Variants in CEP350 observed in about 807,000 individuals in gnomAD.
The protein encoded by CEP350 is centrosomal protein 350.
A neutral mutation model predicts 331.8 loss-of-function variants in CEP350; 126 were observed. The observed-to-expected ratio is 0.38, with a 90% CI of 0.33 to 0.44. The LOEUF is 0.44. Ranked by LOEUF, CEP350 falls within the 20% of genes least tolerant of loss-of-function variation. CEP350 has a pLI of 1.00. For synonymous variants in CEP350, 1,200 were observed against 1,259.5 expected, an observed-to-expected ratio of 0.95 and a Z score of 1.00; for missense variants, 3,406 against 3,634.6, an observed-to-expected ratio of 0.94 and a Z score of 1.62.
chr1:180,044,276 A>T, intron 21 of CEP350, 103 bp downstream of exon 21: 1 of 1,205,976 alleles, frequency 8.3e-7, no homozygotes, highest in Non-Finnish European at 1.1e-6. Flanking sequence ...TTTAAATAGA[A>T]CAGTGTGTGC....
intron 3 of CEP350, among the ~76,000 whole-genome samples, chr1:179,990,269 G>A (rs1652959691): frequency 6.6e-6 from 1 of 152,006 alleles, no homozygotes; most frequent in Admixed American, 6.6e-5. Flanking sequence ...GAAACTCTTT[G>A]ATATTCTTCA....
chr1:180,036,455 G>A (rs1221755711), intron 16 of CEP350, among the ~76,000 whole-genome samples: 2 of 152,072 alleles, frequency 1.3e-5, no homozygotes, highest in Non-Finnish European at 2.9e-5. Flanking sequence ...CTTCATTATT[G>A]TCTTATTTTA....
chr1:179,997,307 C>A, intron 6 of CEP350, 132 bp downstream of exon 6: 1 of 1,000,346 alleles, frequency 1.0e-6, no homozygotes, highest in Non-Finnish European at 1.5e-6. Context: ...TTAGGGAGGC[C>A]GAGGTGGGCG....
intron 5 of CEP350, among the ~76,000 whole-genome samples, chr1:179,995,824 A>G (rs1439205724): frequency 6.6e-6 from 1 of 152,208 alleles, no homozygotes; most frequent in Non-Finnish European, 1.5e-5. Context: ...TGGTTAACAG[A>G]TTTAACATTA....
intron 37 of CEP350, among the ~76,000 whole-genome samples, chr1:180,099,475 A>G (rs1287187526): frequency 6.6e-6 from 1 of 152,206 alleles, no homozygotes; most frequent in East Asian, 1.9e-4. Context: ...CCTCATCATC[A>G]TCACTATTAT....
intron 1 of CEP350, among the ~76,000 whole-genome samples, chr1:179,960,463 C>T (rs1168742832): frequency 6.6e-6 from 1 of 152,108 alleles, no homozygotes; most frequent in Non-Finnish European, 1.5e-5. Flanking sequence ...CACCTGGACA[C>T]TATGCATTAT....
At chr1:180,068,017 G>GTTCCATAGA (rs1658649331) in intron 27 of CEP350, among the ~76,000 whole-genome samples, 1 of 152,202 alleles carries the variant, frequency 6.6e-6, no homozygotes, top group South Asian at 2.1e-4. Context: ...GAACTTAGTT[G>GTTCCATAGA]TTCCATAGAT....
At chr1:180,090,525 G>A (rs867580904) in intron 32 of CEP350, among the ~76,000 whole-genome samples, 189 bp from the exon 33 acceptor site, 14 of 109,296 alleles carry the variant, frequency 1.3e-4, no homozygotes, top group Admixed American at 9.9e-4. Flanking sequence ...CAGCCTGGGC[G>A]ACAGAGCGAG....
chr1:180,052,227 C>T (rs747960260), intron 22 of CEP350: 16 of 453,812 alleles, frequency 3.5e-5, no homozygotes, highest in African/African-American at 1.2e-4. Flanking sequence ...TTTTAAGAGA[C>T]GGGGTCTTGC....
intron 4 of CEP350, among the ~76,000 whole-genome samples, chr1:179,991,534 T>C (rs1340512654): frequency 6.6e-6 from 1 of 151,608 alleles, no homozygotes; most frequent in Admixed American, 6.6e-5. Flanking sequence ...GTGATCCGCC[T>C]GCCTTGGCCT....
chr1:180,051,881 T>C (rs1377152413), intron 22 of CEP350, among the ~76,000 whole-genome samples: 2 of 152,206 alleles, frequency 1.3e-5, no homozygotes, highest in African/African-American at 4.8e-5. Context: ...TAACAGTTCT[T>C]TACATATATA....
Position 180,012,085 on chromosome 1 carries a change from T to C in CEP350, c.1393+10T>C. The C allele has an allele frequency of 6.5e-7, 1 of 1,535,844 alleles. No homozygotes were observed. The highest frequency in any genetic ancestry group is 8.8e-7 in the Non-Finnish European group (1 of 1,142,616). ...AGAACTGCTAAATCTGGTAAGTAGC[T>C]ATAATTAAAATAGTTGAGAAAACAA... is the stretch of plus-strand genomic sequence containing the variant. On this transcript the variant is annotated intron_variant, in intron 9 of 37. Transcript: ENST00000367607.
chr1:180,064,376 C>T (rs929647510), intron 26 of CEP350, among the ~76,000 whole-genome samples: 2 of 151,962 alleles, frequency 1.3e-5, no homozygotes, highest in African/African-American at 4.8e-5. Context: ...CTTGCTCTGT[C>T]GCATCCAATG....
intron 5 of CEP350, 117 bp downstream of exon 5, chr1:179,992,338 C>T: frequency 2.7e-6 from 2 of 751,974 alleles, no homozygotes; most frequent in Non-Finnish European, 3.8e-6. Flanking sequence ...TAGTATAATA[C>T]TCTAATATTA....
At position 179,967,854 on chromosome 1, in the gene CEP350, A is replaced by G. The variant is rs117909770; in HGVS notation, c.-14+12712A>G. 4.6e-3 allele frequency among the ~76,000 whole-genome samples: 694 copies of G among 152,288 alleles called. 29 individuals are homozygous for G. In the East Asian group the frequency reaches 0.049, roughly 11 times the overall value. On this transcript the variant is annotated intron_variant, in intron 1 of 37. Transcript: ENST00000367607. ...TTATTTTTTTACGTGTTACCGTGTAAGATATTTTCTGCTTAGGAATGTCTA... is the reference window on the plus strand; with the variant it reads ...TTATTTTTTTACGTGTTACCGTGTAGGATATTTTCTGCTTAGGAATGTCTA...
intron 37 of CEP350, among the ~76,000 whole-genome samples, chr1:180,106,395 T>C (rs1039600254): frequency 2.6e-5 from 4 of 152,240 alleles, no homozygotes; most frequent in Non-Finnish European, 4.4e-5. Context: ...TAATTTTTTC[T>C]ACACCCTTTT....
intron 21 of CEP350, among the ~76,000 whole-genome samples, chr1:180,045,171 A>T (rs1303010628): frequency 6.6e-6 from 1 of 152,064 alleles, no homozygotes; most frequent in Non-Finnish European, 1.5e-5. Context: ...GCAAAGCCCC[A>T]TCTCTACTAA....
At chr1:180,099,780 ATT>A (rs200255438) in intron 37 of CEP350, among the ~76,000 whole-genome samples, 1 of 119,516 alleles carries the variant, frequency 8.4e-6, no homozygotes, top group Non-Finnish European at 1.7e-5. Context: ...GCCTTATTTG[ATT>A]TTTTTTTTTT....
chr1:180,062,387 AT>A, intron 26 of CEP350, 21 bp downstream of exon 26: 1 of 1,567,996 alleles, frequency 6.4e-7, no homozygotes, highest in Non-Finnish European at 8.6e-7. Context: ...TGAAGTTATT[AT>A]TTGTTTCCTG....
Sources: allele counts gnomAD v4.1 joint callset (sites outside exome capture counted in the v4.1 genomes callset), GRCh38; gene constraint gnomAD v4.1.1; transcripts MANE v1.5; gene names NCBI Gene and HGNC (gene_info 2026-07-23, HGNC 2026-07-21).